RPS6KC1: variants seen among roughly 807,000 people sequenced by gnomAD.
RPS6KC1 encodes inactive ribosomal protein S6 kinase delta-1.
RPS6KC1 carries 54 observed loss-of-function variants against 103.8 expected under a neutral mutation model. The observed-to-expected ratio is 0.52, with a 90% confidence interval of 0.42 to 0.65. The LOEUF (loss-of-function observed/expected upper bound fraction) is 0.65, where lower values mean the gene tolerates loss of function less well. Among genes scored for constraint, RPS6KC1 ranks in the 30% least tolerant of loss-of-function variants. RPS6KC1 has a pLI of 0.00. For synonymous variants in RPS6KC1, 439 were observed against 438.7 expected (o/e 1.00, Z -0.01); for missense variants, 1,151 against 1,253.8 (o/e 0.92, Z 1.24).
the RPS6KC1 span, among the ~76,000 whole-genome samples, chr1:213,328,975 C>T: frequency 3.3e-5 from 5 of 152,154 alleles, no homozygotes; most frequent in Admixed American, 2.6e-4. Flanking sequence ...CCAACTGCTA[C>T]GAGTTCCGTC....
the RPS6KC1 span, among the ~76,000 whole-genome samples, chr1:213,781,294 C>T: frequency 6.6e-6 from 1 of 152,102 alleles, no homozygotes; most frequent in African/African-American, 2.4e-5. Context: ...GTGTGGATCA[C>T]TTTATTTGAA....
the RPS6KC1 span, among the ~76,000 whole-genome samples, chr1:213,635,445 GATGC>G: frequency 6.6e-6 from 1 of 151,356 alleles, no homozygotes; most frequent in Non-Finnish European, 1.5e-5. Flanking sequence ...GGCTTCCTGG[GATGC>G]AAGGCTGGTT....
intron 1 of RPS6KC1, among the ~76,000 whole-genome samples, chr1:213,064,738 C>A (rs866378331): frequency 7.4e-6 from 1 of 134,860 alleles, no homozygotes; most frequent in Non-Finnish European, 1.5e-5. Context: ...AGTGCAGTGG[C>A]GTGATCTCGG....
the RPS6KC1 span, among the ~76,000 whole-genome samples, chr1:213,615,666 G>T: frequency 2.0e-5 from 3 of 152,352 alleles, no homozygotes; most frequent in African/African-American, 7.2e-5. Context: ...CTCCATCACC[G>T]TGTGTTCCAC....
At chr1:213,096,699 C>T (rs2081489430) in intron 3 of RPS6KC1, among the ~76,000 whole-genome samples, 1 of 151,954 alleles carries the variant, frequency 6.6e-6, no homozygotes, top group African/African-American at 2.4e-5. Flanking sequence ...TTTTACCTTC[C>T]CCCAAATGTT....
the RPS6KC1 span, among the ~76,000 whole-genome samples, chr1:213,424,719 C>T: frequency 4.6e-5 from 7 of 152,358 alleles, no homozygotes; most frequent in African/African-American, 1.7e-4. Context: ...TTCTCTTGGG[C>T]ATTTTGCAGG....
At chr1:213,552,280 C>A in the RPS6KC1 span, among the ~76,000 whole-genome samples, 1 of 152,266 alleles carries the variant, frequency 6.6e-6, no homozygotes, top group African/African-American at 2.4e-5. Flanking sequence ...AACAAACAAA[C>A]AAAAACCACT....
chr1:213,304,099 G>A, the RPS6KC1 span, among the ~76,000 whole-genome samples: 1,930 of 149,418 alleles, frequency 0.013, 46 homozygotes, highest in African/African-American at 0.043. Context: ...CCAGCTACTT[G>A]GGAGGCTGAG....
At chr1:213,463,166 C>T in the RPS6KC1 span, among the ~76,000 whole-genome samples, 2 of 152,214 alleles carry the variant, frequency 1.3e-5, no homozygotes, top group Non-Finnish European at 2.9e-5. Context: ...CTCCATCATA[C>T]TGCCAACCTG....
chr1:213,107,333 C>T (rs2082599331), intron 4 of RPS6KC1, among the ~76,000 whole-genome samples: 1 of 152,268 alleles, frequency 6.6e-6, no homozygotes, highest in East Asian at 1.9e-4. Context: ...GGGCAACCAC[C>T]TTGTTCTGTC....
chr1:213,416,133 C>T, the RPS6KC1 span, among the ~76,000 whole-genome samples: 4 of 152,178 alleles, frequency 2.6e-5, no homozygotes, highest in Admixed American at 6.5e-5. Context: ...CAGGCTCCCA[C>T]GCATGCACCC....
intron 6 of RPS6KC1, among the ~76,000 whole-genome samples, chr1:213,137,576 G>A (rs2086431825): frequency 6.6e-6 from 1 of 151,122 alleles, no homozygotes; most frequent in South Asian, 2.1e-4. Context: ...CAGGTGATCT[G>A]CCCACCTTGG....
the RPS6KC1 span, among the ~76,000 whole-genome samples, chr1:213,689,382 T>C: frequency 4.9e-3 from 749 of 152,344 alleles, 9 homozygotes; most frequent in Non-Finnish European, 6.0e-3. Context: ...GCTCTGGTGA[T>C]GCTTTCAAGC....
chr1:213,608,297 G>A, the RPS6KC1 span, among the ~76,000 whole-genome samples: 1 of 152,174 alleles, frequency 6.6e-6, no homozygotes, highest in Non-Finnish European at 1.5e-5. Flanking sequence ...GTCCCAGCAG[G>A]GGGAAGGCAG....
At chr1:213,396,777 T>C in the RPS6KC1 span, among the ~76,000 whole-genome samples, 6 of 152,208 alleles carry the variant, frequency 3.9e-5, no homozygotes, top group African/African-American at 1.4e-4. Flanking sequence ...ACTGTGCTCA[T>C]CGCTGGGAAG....
chr1:213,144,590 G>A (rs1236545003), intron 6 of RPS6KC1, among the ~76,000 whole-genome samples: 1 of 151,994 alleles, frequency 6.6e-6, no homozygotes, highest in African/African-American at 2.4e-5. Flanking sequence ...TTACCAGCTT[G>A]TTCTTCCCCA....
At chr1:213,237,395 A>T (rs1231742709) in intron 10 of RPS6KC1, among the ~76,000 whole-genome samples, 1 of 152,108 alleles carries the variant, frequency 6.6e-6, no homozygotes, top group Non-Finnish European at 1.5e-5. Flanking sequence ...TGTATATGTA[A>T]AATGCTTAGA....
At chr1:213,602,126 CTTTCTTTCTT>C in the RPS6KC1 span, among the ~76,000 whole-genome samples, 2 of 40,794 alleles carry the variant, frequency 4.9e-5, no homozygotes, top group African/African-American at 1.1e-4. Context: ...CTTTCTCTTT[CTTTCTTTCTT>C]TCTTTCTTTC....
At chr1:213,257,978 ATTTTTAT>A (rs2094691776) in intron 12 of RPS6KC1, among the ~76,000 whole-genome samples, 1 of 147,942 alleles carries the variant, frequency 6.8e-6, no homozygotes, top group Admixed American at 6.7e-5. Flanking sequence ...TAATTTTTGT[ATTTTTAT>A]TTTTTATTTT....
Sources: allele counts gnomAD v4.1 joint callset (sites outside exome capture counted in the v4.1 genomes callset), GRCh38; gene constraint gnomAD v4.1.1; transcripts MANE v1.5; gene names NCBI Gene and HGNC (gene_info 2026-07-23, HGNC 2026-07-21).